Variants in ZNF407 observed in about 807,000 individuals in gnomAD.
The protein encoded by ZNF407 is zinc finger protein 407.
In ZNF407, 17 loss-of-function variants were observed where a neutral mutation model predicts 131.2. The observed-to-expected ratio is 0.13, with a 90% confidence interval of 0.09 to 0.19. The LOEUF is 0.19. ZNF407 is among the 10% of genes least tolerant of loss of function. The pLI is 1.00. For synonymous variants in ZNF407, 1,156 were observed against 1,062.0 expected (o/e 1.09, Z -1.72); for missense variants, 2,681 against 2,830.6 (o/e 0.95, Z 1.20).
At chr18:74,963,857 G>A (rs571457234) in intron 8 of ZNF407, among the ~76,000 whole-genome samples, 8 of 152,032 alleles carry the variant, frequency 5.3e-5, no homozygotes, top group South Asian at 2.1e-4. Context: ...CCATCTTTTC[G>A]TGGAAAATTC....
intron 3 of ZNF407, among the ~76,000 whole-genome samples, chr18:74,664,631 G>GC (rs1286952348): frequency 6.6e-6 from 1 of 152,136 alleles, no homozygotes; most frequent in Non-Finnish European, 1.5e-5. Context: ...ATAAGTTGAA[G>GC]AAATAGCCTT....
rs537720196 is a variant in ZNF407 at position 74,622,809 on chromosome 18, AAT to A, written c.-53-8155_-53-8154del. Among the ~76,000 whole-genome samples the A allele has an allele frequency of 8.8e-4, 129 of 145,790 alleles. 3 individuals carry two copies. The highest frequency in any genetic ancestry group is 7.6e-3 in the Admixed American group (109 of 14,350). On this transcript the variant is annotated intron_variant, in intron 1 of 8. Coordinates refer to ENST00000299687, the MANE Select transcript of ZNF407 (RefSeq NM_017757.3). ...CATTGTGTCTGTGTCTGAATTTGTG[AAT>A]ATGTCTGAATGTGAGTACGTGTGAG...
intron 3 of ZNF407, among the ~76,000 whole-genome samples, chr18:74,741,173 A>G (rs1441413140): frequency 2.0e-5 from 3 of 152,168 alleles, no homozygotes; most frequent in South Asian, 2.1e-4. Flanking sequence ...AGAAAAATAC[A>G]TGTATGGATG....
chr18:74,798,209 A>AAC (rs35388545), intron 4 of ZNF407, among the ~76,000 whole-genome samples: 11,573 of 147,156 alleles, frequency 0.079, 703 homozygotes, highest in African/African-American at 0.16. Context: ...CCTTTACACA[A>AAC]ACACACACAC....
intron 3 of ZNF407, among the ~76,000 whole-genome samples, chr18:74,710,449 T>C (rs1343808716): frequency 6.6e-6 from 1 of 152,234 alleles, no homozygotes; most frequent in Non-Finnish European, 1.5e-5. Context: ...ATATCTAAAA[T>C]ACGCGAGCAG....
intron 1 of ZNF407, chr18:74,598,233 C>G: frequency 6.6e-6 from 1 of 152,642 alleles, no homozygotes; most frequent in African/African-American, 2.4e-5. Flanking sequence ...CTCTCACCCG[C>G]TCGCTCCGCA....
Position 74,887,032 on chromosome 18 carries a change from G to A in ZNF407, c.5129-2886G>A, listed in dbSNP as rs547092390. Among the ~76,000 whole-genome samples, 290 of 152,156 alleles carry A rather than the reference G, an allele frequency of 1.9e-3. 2 individuals carry two copies. The highest frequency in any genetic ancestry group is 6.4e-3 in the African/African-American group (264 of 41,504). On this transcript the variant is annotated intron_variant, in intron 6 of 8. Coordinates refer to ENST00000299687, the MANE Select transcript of ZNF407 (RefSeq NM_017757.3). The stretch of plus-strand genomic sequence containing the variant: ...CTCATGTGTACAGCACTTTGACATT[G>A]GTGTGCATTAAATTACTATTCATTT...
chr18:74,708,007 C>T (rs1436954354), intron 3 of ZNF407, among the ~76,000 whole-genome samples: 3 of 152,122 alleles, frequency 2.0e-5, no homozygotes. Flanking sequence ...TTTTTACTGG[C>T]AGAAATCTCT....
intron 8 of ZNF407, among the ~76,000 whole-genome samples, chr18:74,954,800 A>C (rs921687257): frequency 6.6e-6 from 1 of 152,208 alleles, no homozygotes; most frequent in Non-Finnish European, 1.5e-5. Context: ...AGTGAACTTC[A>C]TCAACACCAT....
At chr18:74,825,121 T>C (rs1242212631) in intron 4 of ZNF407, among the ~76,000 whole-genome samples, 39 of 152,182 alleles carry the variant, frequency 2.6e-4, no homozygotes, top group Admixed American at 2.6e-3. Context: ...CACATGATTA[T>C]CTCAATAGAT....
chr18:74,811,872 T>G, intron 4 of ZNF407, among the ~76,000 whole-genome samples: 1 of 134,658 alleles, frequency 7.4e-6, no homozygotes, highest in African/African-American at 3.0e-5. Context: ...TGAGGGCTGT[T>G]GTGGGGTAAG....
At chr18:74,881,352 C>T (rs770919508) in intron 6 of ZNF407, among the ~76,000 whole-genome samples, 2 of 152,168 alleles carry the variant, frequency 1.3e-5, no homozygotes, top group Non-Finnish European at 2.9e-5. Flanking sequence ...TCAGTAAATT[C>T]ATGTTAAGTA....
intron 8 of ZNF407, among the ~76,000 whole-genome samples, chr18:75,000,644 G>A (rs1308415746): frequency 6.6e-6 from 1 of 152,094 alleles, no homozygotes; most frequent in African/African-American, 2.4e-5. Context: ...TAAGTTTTAA[G>A]ATAAAAGATG....
chr18:74,825,532 T>C (rs1440149811), intron 4 of ZNF407, among the ~76,000 whole-genome samples: 1 of 152,230 alleles, frequency 6.6e-6, no homozygotes. Flanking sequence ...AAATATGGTT[T>C]TGAAACTTAT....
intron 1 of ZNF407, among the ~76,000 whole-genome samples, chr18:74,614,681 G>A (rs1404257185): frequency 6.6e-6 from 1 of 152,104 alleles, no homozygotes; most frequent in Non-Finnish European, 1.5e-5. Flanking sequence ...AATCTTTGAC[G>A]AGTAAGACCT....
At chr18:74,836,531 A>G (rs1182152897) in intron 4 of ZNF407, among the ~76,000 whole-genome samples, 1 of 152,218 alleles carries the variant, frequency 6.6e-6, no homozygotes, top group African/African-American at 2.4e-5. Flanking sequence ...GCACTGGTCC[A>G]GATCTGGCCT....
rs748778560 is a variant in ZNF407 at position 74,804,237 on chromosome 18, C to T, written c.4877+22735C>T. 4.1e-6 allele frequency: 5 copies of T among 1,228,092 alleles called. No individual in the cohort carries two copies. The East Asian group carries it at 1.3e-4, about 31-fold the overall frequency. 76.1% of individuals were successfully genotyped at this position (1,228,092 alleles called of 1,614,324 possible). A position where few individuals can be genotyped will look rare whatever the true frequency, so the allele number is the denominator to read the frequency against. On this transcript the variant is annotated intron_variant, in intron 4 of 8. Transcript: ENST00000299687. Reference sequence around the variant, plus strand: ...AAATGTAGGCTAGTCTAGTGATTTTCTGGAAGGAACTGTTATTTTAAAAAT... The same window carrying T: ...AAATGTAGGCTAGTCTAGTGATTTTTTGGAAGGAACTGTTATTTTAAAAAT...
chr18:75,007,565 T>C (rs1972926053), intron 8 of ZNF407, among the ~76,000 whole-genome samples: 1 of 152,238 alleles, frequency 6.6e-6, no homozygotes, highest in Non-Finnish European at 1.5e-5. Flanking sequence ...CATTTTTCTC[T>C]CTGTCAAGTG....
At chr18:74,688,071 G>A (rs1461955180) in intron 3 of ZNF407, among the ~76,000 whole-genome samples, 1 of 152,088 alleles carries the variant, frequency 6.6e-6, no homozygotes, top group East Asian at 1.9e-4. Context: ...TCAAAAGCTA[G>A]TTTTCTTTAG....
Sources: gnomAD v4.1 joint callset for allele counts (sites outside exome capture counted in the v4.1 genomes callset) on GRCh38, gnomAD v4.1.1 for gene constraint, MANE v1.5 for transcripts, NCBI Gene and HGNC (gene_info 2026-07-23, HGNC 2026-07-21) for gene names.